GNAQ: variants seen among roughly 807,000 people sequenced by gnomAD.
GNAQ encodes guanine nucleotide-binding protein G(q) subunit alpha.
Under a neutral mutation model 43.9 loss-of-function variants are expected in GNAQ, and 8 were observed. That is an observed-to-expected ratio of 0.18 (90% CI 0.11 to 0.33). GNAQ has a LOEUF of 0.33. Ranked by LOEUF, GNAQ falls within the 10% of genes least tolerant of loss-of-function variation. The pLI is 1.00. For synonymous variants in GNAQ, 155 were observed against 170.7 expected (o/e 0.91, Z 0.71); for missense variants, 158 against 450.8 (o/e 0.35, Z 5.88).
intron 6 of GNAQ, among the ~76,000 whole-genome samples, chr9:77,722,803 C>T (rs1444532038): frequency 6.6e-6 from 1 of 151,908 alleles, no homozygotes; most frequent in African/African-American, 2.4e-5. Flanking sequence ...ACTATAGGTG[C>T]CACCAAGCCT....
chr9:77,848,016 T>G (rs890603582), intron 2 of GNAQ, among the ~76,000 whole-genome samples: 5 of 152,238 alleles, frequency 3.3e-5, no homozygotes, highest in African/African-American at 1.2e-4. Flanking sequence ...TGTAGTCGTG[T>G]TGGATGCTCT....
At chr9:77,899,135 C>T (rs75541930) in intron 2 of GNAQ, among the ~76,000 whole-genome samples, 8,882 of 152,128 alleles carry the variant, frequency 0.058, 286 homozygotes, top group African/African-American at 0.064. Flanking sequence ...CTTGTTCTGT[C>T]GCCCAGGCTG....
chr9:77,970,232 A>G (rs10747026), intron 1 of GNAQ, among the ~76,000 whole-genome samples: 1 of 149,416 alleles, frequency 6.7e-6, no homozygotes, highest in African/African-American at 2.5e-5. Context: ...CAAAAAAAAA[A>G]AAACAAACAA....
chr9:77,800,519 A>G (rs563843891), intron 3 of GNAQ, among the ~76,000 whole-genome samples: 6 of 152,210 alleles, frequency 3.9e-5, no homozygotes, highest in Non-Finnish European at 8.8e-5. Context: ...TGGGAATTCA[A>G]CAATGAGAAC....
At chr9:77,858,202 G>A (rs1156247837) in intron 2 of GNAQ, among the ~76,000 whole-genome samples, 1 of 152,168 alleles carries the variant, frequency 6.6e-6, no homozygotes, top group African/African-American at 2.4e-5. Flanking sequence ...ATGAGATTGA[G>A]TCTCCAGACC....
chr9:77,967,087 G>C (rs757739090), intron 1 of GNAQ, among the ~76,000 whole-genome samples: 23 of 152,096 alleles, frequency 1.5e-4, no homozygotes, highest in Admixed American at 5.9e-4. Context: ...TTCAAAACTT[G>C]GGACTTTTTA....
intron 1 of GNAQ, among the ~76,000 whole-genome samples, chr9:77,938,015 A>G (rs1232674265): frequency 1.3e-5 from 2 of 151,800 alleles, no homozygotes; most frequent in East Asian, 3.9e-4. Flanking sequence ...TTCCAGGACA[A>G]CCCTCACCCC....
In GNAQ at chr9:77,757,648, C is replaced by T. The variant is rs577104799; in HGVS notation, c.736-28981G>A. Among the ~76,000 whole-genome samples the T allele has an allele frequency of 3.9e-5, 6 of 152,328 alleles. No homozygotes were observed. In the East Asian group the frequency reaches 5.8e-4, roughly 15 times the overall value. On this transcript the variant is annotated intron_variant, in intron 5 of 6. Transcript: ENST00000286548. ...AATGTTACCAAACCATCAGCTATCA[C>T]GATAGTGCTCCCAATAAGTCTTGCC...
chr9:77,911,253 C>T (rs573634033), intron 2 of GNAQ, among the ~76,000 whole-genome samples: 1 of 152,310 alleles, frequency 6.6e-6, no homozygotes, highest in African/African-American at 2.4e-5. Flanking sequence ...AAGACAGTCA[C>T]TGCATGTGTA....
At position 77,910,144 on chromosome 9, in the gene GNAQ, G is replaced by C. The variant is rs548875737; in HGVS notation, c.321+12017C>G. Among the ~76,000 whole-genome samples, 7 of 152,202 alleles carry C rather than the reference G, an allele frequency of 4.6e-5. No homozygotes were observed. The South Asian group carries it at 1.5e-3, about 32-fold the overall frequency. On this transcript the variant is annotated intron_variant, in intron 2 of 6. Transcript: ENST00000286548. ...TGCTATTAAAATGAAGGAAACTATT[G>C]CTTTGCTAAATATTAAGTAAGCACT...
chr9:77,732,211 C>T (rs952384362), intron 5 of GNAQ, among the ~76,000 whole-genome samples: 11 of 152,096 alleles, frequency 7.2e-5, no homozygotes, highest in Admixed American at 3.3e-4. Context: ...GATCAATGTA[C>T]GAGCCACGTG....
chr9:77,997,660 C>T (rs1294181616), intron 1 of GNAQ, among the ~76,000 whole-genome samples: 1 of 152,104 alleles, frequency 6.6e-6, no homozygotes, highest in African/African-American at 2.4e-5. Context: ...TGCTCCGCCA[C>T]ATCAATAAAT....
At chr9:77,803,292 C>G (rs1241997186) in intron 3 of GNAQ, among the ~76,000 whole-genome samples, 1 of 152,200 alleles carries the variant, frequency 6.6e-6, no homozygotes, top group African/African-American at 2.4e-5. Flanking sequence ...TGTTTAACTT[C>G]ATTTAGTAGA....
intron 2 of GNAQ, among the ~76,000 whole-genome samples, chr9:77,846,944 C>T (rs1827595807): frequency 6.6e-6 from 1 of 152,096 alleles, no homozygotes; most frequent in Non-Finnish European, 1.5e-5. Flanking sequence ...AGACTTTTGC[C>T]CCTGGGACCC....
At chr9:77,966,475 C>A (rs769509760) in intron 1 of GNAQ, among the ~76,000 whole-genome samples, 1 of 152,108 alleles carries the variant, frequency 6.6e-6, no homozygotes, top group Non-Finnish European at 1.5e-5. Context: ...AAGTTGAAAA[C>A]CACACTTTAA....
chr9:77,838,814 T>C (rs976445179), intron 2 of GNAQ, among the ~76,000 whole-genome samples: 1 of 152,150 alleles, frequency 6.6e-6, no homozygotes, highest in Non-Finnish European at 1.5e-5. Context: ...TATAAATGTA[T>C]ACATTAAAAA....
chr9:77,859,476 G>C (rs1432763420), intron 2 of GNAQ, among the ~76,000 whole-genome samples: 1 of 152,184 alleles, frequency 6.6e-6, no homozygotes, highest in East Asian at 1.9e-4. Context: ...ATGAAGCTTA[G>C]TAAGCCATCA....
At position 77,790,303 on chromosome 9, in the gene GNAQ, C is replaced by A. The variant is rs1041266977; in HGVS notation, c.735+4160G>T. Among the ~76,000 whole-genome samples the A allele has an allele frequency of 2.0e-5, 3 of 152,090 alleles. No individual in the cohort carries two copies. The South Asian group carries it at 6.2e-4, about 32-fold the overall frequency. On this transcript the variant is annotated intron_variant, in intron 5 of 6. Coordinates refer to ENST00000286548, the MANE Select transcript of GNAQ (RefSeq NM_002072.5). Reference sequence around the variant, plus strand: ...CCTCAATTTTTAGTCAGGTTTTCCCCGCAAAGCTGAATGTTATCTGAAGAA... The same window carrying A: ...CCTCAATTTTTAGTCAGGTTTTCCCAGCAAAGCTGAATGTTATCTGAAGAA...
chr9:77,997,420 T>C lies in GNAQ; in HGVS notation c.136+33680A>G, dbSNP rs370726771. On this transcript the variant is annotated intron_variant, in intron 1 of 6. Coordinates refer to ENST00000286548, the MANE Select transcript of GNAQ (RefSeq NM_002072.5). ...TCTGTGACCTCCAGCTCCAACTTCCTCTGCCATCGAATTCTCTGTCTCCAA... is the reference window on the plus strand; with the variant it reads ...TCTGTGACCTCCAGCTCCAACTTCCCCTGCCATCGAATTCTCTGTCTCCAA... 9.2e-5 allele frequency among the ~76,000 whole-genome samples: 14 copies of C among 152,328 alleles called. No homozygotes were observed. The East Asian group carries it at 2.5e-3, about 27-fold the overall frequency.
Sources: allele counts gnomAD v4.1 joint callset (sites outside exome capture counted in the v4.1 genomes callset), GRCh38; gene constraint gnomAD v4.1.1; transcripts MANE v1.5; gene names NCBI Gene and HGNC (gene_info 2026-07-23, HGNC 2026-07-21).